PARP12: variants seen among roughly 807,000 people sequenced by gnomAD.
The protein encoded by PARP12 is poly(ADP-ribose) polymerase family member 12, also known as protein mono-ADP-ribosyltransferase PARP12.
Under a neutral mutation model 72.4 loss-of-function variants are expected in PARP12, and 59 were observed. That is an observed-to-expected ratio of 0.81 (90% CI 0.66 to 1.01). The LOEUF (loss-of-function observed/expected upper bound fraction) is 1.01, where lower values mean the gene tolerates loss of function less well. PARP12 is among the 50% of genes least tolerant of loss of function. The pLI is 0.00. For missense variants in PARP12, 851 were observed against 914.0 expected (o/e 0.93, Z 0.89); for synonymous variants, 403 against 371.4 (o/e 1.09, Z -0.98).
At chr7:140,052,649 A>T (rs1817009764) in intron 4 of PARP12, among the ~76,000 whole-genome samples, 1 of 151,952 alleles carries the variant, frequency 6.6e-6, no homozygotes, top group Non-Finnish European at 1.5e-5. Flanking sequence ...GTTAGTATGA[A>T]TTTATTTTGG....
At chr7:140,052,654 T>C (rs1462253798) in intron 4 of PARP12, among the ~76,000 whole-genome samples, 12 of 152,184 alleles carry the variant, frequency 7.9e-5, no homozygotes, top group Non-Finnish European at 1.8e-4. Context: ...TATGAATTTA[T>C]TTTGGTGCAA....
intron 4 of PARP12, among the ~76,000 whole-genome samples, chr7:140,051,965 A>C (rs1213118193): frequency 6.6e-6 from 1 of 152,212 alleles, no homozygotes; most frequent in Non-Finnish European, 1.5e-5. Context: ...AAATGTCTTC[A>C]GCATCTCAAA....
At chr7:140,061,844 AG>A (rs1490227895) in intron 1 of PARP12, among the ~76,000 whole-genome samples, 1 of 151,940 alleles carries the variant, frequency 6.6e-6, no homozygotes, top group Non-Finnish European at 1.5e-5. Flanking sequence ...ACCAAGAGTA[AG>A]GGGAGGAAAA....
At chr7:140,031,242 G>A (rs775404434) in intron 8 of PARP12, among the ~76,000 whole-genome samples, 4 of 152,002 alleles carry the variant, frequency 2.6e-5, no homozygotes, top group Admixed American at 6.6e-5. Context: ...GCATGGTGGC[G>A]CATGCCTGTG....
intron 6 of PARP12, among the ~76,000 whole-genome samples, chr7:140,038,868 G>A (rs1816330791): frequency 6.6e-6 from 1 of 151,904 alleles, no homozygotes; most frequent in African/African-American, 2.4e-5. Context: ...AATGGAGAAG[G>A]GGAAAAAAAA....
intron 1 of PARP12, among the ~76,000 whole-genome samples, chr7:140,060,007 A>T (rs1260729497): frequency 6.6e-6 from 1 of 152,244 alleles, no homozygotes; most frequent in Non-Finnish European, 1.5e-5. Context: ...AAATATATCT[A>T]ATAAGTGTAA....
chr7:140,056,320 G>A (rs1481343672), intron 3 of PARP12, among the ~76,000 whole-genome samples: 1 of 152,214 alleles, frequency 6.6e-6, no homozygotes, highest in Non-Finnish European at 1.5e-5. Flanking sequence ...GCACTGTCTA[G>A]GTGCTGGAGA....
At chr7:140,060,952 G>A (rs977177981) in intron 1 of PARP12, among the ~76,000 whole-genome samples, 3 of 152,154 alleles carry the variant, frequency 2.0e-5, no homozygotes, top group Non-Finnish European at 4.4e-5. Flanking sequence ...GCTGCCTCCT[G>A]GGCATGCTTC....
At chr7:140,027,558 G>C (rs1473358877) in intron 9 of PARP12, 152 bp from the exon 10 acceptor site, 2 of 833,704 alleles carry the variant, frequency 2.4e-6, no homozygotes, top group Non-Finnish European at 3.7e-6. Flanking sequence ...CCAGGCACAG[G>C]AGACAATCGG....
chr7:140,049,670 G>A (rs939470038), intron 4 of PARP12, among the ~76,000 whole-genome samples: 1 of 152,156 alleles, frequency 6.6e-6, no homozygotes, highest in East Asian at 1.9e-4. Context: ...GGGGCCAGGG[G>A]AATGCACTAT....
chr7:140,062,375 C>T, intron 1 of PARP12, 147 bp downstream of exon 1: 1 of 830,038 alleles, frequency 1.2e-6, no homozygotes. Flanking sequence ...GCTCATTAAA[C>T]GCTCGCTTTA....
At position 140,041,801 on chromosome 7, in the gene PARP12, T is replaced by C. The variant is rs759412930; in HGVS notation, c.1025A>G (p.His342Arg). The change falls in exon 6 of 12, where the codon CAT (histidine) becomes CGT (arginine). Residue 342 changes from histidine (H) to arginine (R), a missense_variant. Around this residue, in one of 3 missense-constraint regions of PARP12, gnomAD observed 492 missense variants for 489.3 expected, o/e 1.01. Coordinates refer to ENST00000263549, the MANE Select transcript of PARP12 (RefSeq NM_022750.4). ...AGTCATGGCGTTAAAGTTCAGACAA[T>C]GAGAGTGAAAGGTACTGGCTGACTC... ...CSESASTFHS[H>R]CLNFNAMTYG... 9.3e-6 allele frequency: 15 copies of C among 1,613,772 alleles called. No individual in the cohort carries two copies. In the Middle Eastern group the frequency reaches 4.9e-4, roughly 53 times the overall value.
At chr7:140,057,626 T>G (rs891048068) in intron 2 of PARP12, 6 of 463,270 alleles carry the variant, frequency 1.3e-5, no homozygotes, top group Non-Finnish European at 1.9e-5. Flanking sequence ...CATTTCTCAA[T>G]GGAGCACACT....
At chr7:140,055,335 C>T (rs1817136541) in intron 3 of PARP12, among the ~76,000 whole-genome samples, 1 of 152,132 alleles carries the variant, frequency 6.6e-6, no homozygotes, top group African/African-American at 2.4e-5. Context: ...GTCCACATTT[C>T]AAAATGAAGC....
At chr7:140,036,117 G>A (rs900749162) in intron 7 of PARP12, among the ~76,000 whole-genome samples, 2 of 152,008 alleles carry the variant, frequency 1.3e-5, no homozygotes, top group East Asian at 1.9e-4. Flanking sequence ...AATGGGCTTC[G>A]GTCAGTCTGC....
rs143130780 is a variant in PARP12, at chr7:140,061,452, TACACAC to T, written c.326+1064_326+1069del. Among the ~76,000 whole-genome samples, 8 of 151,376 alleles carry T rather than the reference TACACAC, an allele frequency of 5.3e-5. No individual in the cohort carries two copies. The East Asian group carries it at 1.6e-3, about 29-fold the overall frequency. On this transcript the variant is annotated intron_variant, in intron 1 of 11. Transcript: ENST00000263549. ...AATATCTACTCTATTAAGACAAACA[TACACAC>T]ACACACACAAAACAGGGAGCAAGCA...
At chr7:140,032,444 T>A (rs537907925) in intron 8 of PARP12, among the ~76,000 whole-genome samples, 7 of 152,078 alleles carry the variant, frequency 4.6e-5, no homozygotes, top group African/African-American at 1.7e-4. Flanking sequence ...CCCAAAGTGC[T>A]GGGATTATAG....
intron 5 of PARP12, among the ~76,000 whole-genome samples, chr7:140,042,353 T>G (rs1304665858): frequency 6.6e-6 from 1 of 152,226 alleles, no homozygotes; most frequent in Non-Finnish European, 1.5e-5. Context: ...GCGGGCGAGC[T>G]GGGCTTTCAG....
chr7:140,028,462 A>G, intron 9 of PARP12, 151 bp downstream of exon 9: 1 of 639,362 alleles, frequency 1.6e-6, no homozygotes, highest in Admixed American at 3.9e-5. Flanking sequence ...AACAAAAACA[A>G]AAATAAAGCC....
Sources: allele counts gnomAD v4.1 joint callset (sites outside exome capture counted in the v4.1 genomes callset), GRCh38; gene constraint gnomAD v4.1.1; regional missense constraint gnomAD v4.1.1; transcripts MANE v1.5; gene names NCBI Gene and HGNC (gene_info 2026-07-23, HGNC 2026-07-21).